The following PHACTR1 variants were observed in gnomAD, a reference collection of about 807,000 sequenced individuals.
PHACTR1 encodes the protein phosphatase and actin regulator 1.
In PHACTR1, 16 loss-of-function variants were observed where a neutral mutation model predicts 69.2. That is an observed-to-expected ratio of 0.23 (90% confidence interval 0.16 to 0.35). The LOEUF is 0.35. Among genes scored for constraint, PHACTR1 ranks in the 10% least tolerant of loss-of-function variants. PHACTR1 has a pLI of 1.00. For missense variants in PHACTR1, 510 were observed against 734.7 expected (o/e 0.69, Z 3.54); for synonymous variants, 312 against 284.5 (o/e 1.10, Z -0.97).
chr6:13,153,554 G>T (rs1024434870), intron 5 of PHACTR1, among the ~76,000 whole-genome samples: 2 of 152,202 alleles, frequency 1.3e-5, no homozygotes, highest in Admixed American at 1.3e-4. Flanking sequence ...TTGTAGACTA[G>T]ATGTTTCTAG....
chr6:12,768,109 CTTTTTTT>C (rs781107897), intron 4 of PHACTR1, among the ~76,000 whole-genome samples: 2 of 107,568 alleles, frequency 1.9e-5, no homozygotes, highest in Non-Finnish European at 3.7e-5. Flanking sequence ...CTATCAAATC[CTTTTTTT>C]TTTTTTTTTT....
intron 11 of PHACTR1, among the ~76,000 whole-genome samples, chr6:13,277,615 A>T (rs1334984584): frequency 6.6e-6 from 1 of 152,158 alleles, no homozygotes; most frequent in Non-Finnish European, 1.5e-5. Context: ...GGAGCCTCAC[A>T]TCTCCCCAAA....
chr6:13,024,238 G>A (rs906971385), intron 4 of PHACTR1, among the ~76,000 whole-genome samples: 19 of 152,282 alleles, frequency 1.2e-4, no homozygotes, highest in African/African-American at 4.6e-4. Flanking sequence ...GCTGAAATCT[G>A]CTGCACAATT....
chr6:12,934,061 G>A, intron 4 of PHACTR1: 1 of 1,347,970 alleles, frequency 7.4e-7, no homozygotes, highest in East Asian at 2.6e-5. Flanking sequence ...AGGTGTTGGT[G>A]GGGCCACGGT....
intron 4 of PHACTR1, among the ~76,000 whole-genome samples, chr6:13,053,068 G>C (rs1201340159): frequency 1.3e-5 from 2 of 152,184 alleles, no homozygotes; most frequent in South Asian, 2.1e-4. Flanking sequence ...GCCTCTCCCT[G>C]TTTTGGGCGG....
intron 4 of PHACTR1, among the ~76,000 whole-genome samples, chr6:13,036,074 T>C (rs999789254): frequency 6.6e-6 from 1 of 152,000 alleles, no homozygotes; most frequent in Non-Finnish European, 1.5e-5. Context: ...CAAAGGTGGC[T>C]ACTGAGGCTT....
At chr6:12,749,543 C>CT (rs745757143) in intron 3 of PHACTR1, 101 bp from the exon 4 acceptor site, 4,525 of 417,600 alleles carry the variant, frequency 0.011, 50 homozygotes, top group Non-Finnish European at 0.016. Context: ...TTCCTCTCCC[C>CT]TCCCCCTTCC....
At chr6:12,895,363 A>G (rs1299846271) in intron 4 of PHACTR1, among the ~76,000 whole-genome samples, 1 of 151,696 alleles carries the variant, frequency 6.6e-6, no homozygotes, top group Non-Finnish European at 1.5e-5. Flanking sequence ...TTGTATTTTT[A>G]GTAGAGATGG....
chr6:12,873,559 C>T (rs114012120), intron 4 of PHACTR1, among the ~76,000 whole-genome samples: 2,223 of 152,144 alleles, frequency 0.015, 22 homozygotes, highest in Middle Eastern at 0.058. Flanking sequence ...GGTAAGTATA[C>T]GTTTTACATC....
chr6:13,068,375 A>G (rs914237036), intron 5 of PHACTR1, among the ~76,000 whole-genome samples: 2 of 152,170 alleles, frequency 1.3e-5, no homozygotes, highest in African/African-American at 2.4e-5. Context: ...ATTCAAAAAG[A>G]AGTTAACTGA....
chr6:13,189,169 G>A (rs1763182396), intron 7 of PHACTR1, among the ~76,000 whole-genome samples: 1 of 152,084 alleles, frequency 6.6e-6, no homozygotes, highest in Non-Finnish European at 1.5e-5. Context: ...TTCACATTTG[G>A]GTAATAATAA....
At chr6:13,025,406 C>T (rs189019813) in intron 4 of PHACTR1, among the ~76,000 whole-genome samples, 3 of 152,292 alleles carry the variant, frequency 2.0e-5, no homozygotes, top group East Asian at 3.9e-4. Context: ...GGAGATTGCT[C>T]TGGTTTAGGC....
intron 3 of PHACTR1, among the ~76,000 whole-genome samples, chr6:12,732,315 T>TG (rs373612026): frequency 2.6e-5 from 4 of 151,076 alleles, no homozygotes; most frequent in African/African-American, 9.8e-5. Flanking sequence ...CAGATTTTTT[T>TG]TGGGGGTGCT....
chr6:12,930,783 G>T (rs1428355074), intron 4 of PHACTR1, among the ~76,000 whole-genome samples: 1 of 152,142 alleles, frequency 6.6e-6, no homozygotes, highest in Non-Finnish European at 1.5e-5. Context: ...GGGCACAGTG[G>T]CTCATGCCTG....
At chr6:12,731,693 T>C (rs532648879) in intron 3 of PHACTR1, among the ~76,000 whole-genome samples, 2 of 152,216 alleles carry the variant, frequency 1.3e-5, no homozygotes, top group Non-Finnish European at 2.9e-5. Context: ...ATGTTTCTAA[T>C]AATCAAGTGA....
intron 8 of PHACTR1, among the ~76,000 whole-genome samples, chr6:13,207,604 G>A (rs1766137005): frequency 6.6e-6 from 1 of 152,204 alleles, no homozygotes; most frequent in African/African-American, 2.4e-5. Flanking sequence ...GTGTGTGTGT[G>A]TGTGTATTCA....
At position 13,179,446 on chromosome 6, in the gene PHACTR1, T is replaced by TGTGTGTG. The variant is rs1761876709; in HGVS notation, c.497-3073_497-3072insGTGTGTG. Among the ~76,000 whole-genome samples, 2 of 85,346 alleles carry TGTGTGTG rather than the reference T, an allele frequency of 2.3e-5. No individual in the cohort carries two copies. Among genetic ancestry groups the TGTGTGTG allele is most frequent in the Middle Eastern group, 6.2e-3 (1 of 162 alleles). The allele number at this position is 85,346 out of a possible 152,430, so 56.0% of individuals were successfully genotyped here. On this transcript the variant is annotated intron_variant, in intron 6 of 14. Transcript: ENST00000332995. The surrounding 1 kb of genome is among the most constrained non-coding windows in gnomAD (Gnocchi z 4.2). ...TGTGTGTGTGTGTGTGTGTGTGTGT[T>TGTGTGTG]TAAAAATGTCATAATAAAAAATTTA...
rs980027068 is a variant in PHACTR1 at position 13,160,129 on chromosome 6, G to A, written c.416-75G>A. The A allele has an allele frequency of 5.4e-6, 7 of 1,294,882 alleles. No homozygotes were observed. In the African/African-American group the frequency reaches 8.8e-5, roughly 16 times the overall value. 80.2% of individuals were successfully genotyped at this position (1,294,882 alleles called of 1,614,324 possible). A position where few individuals can be genotyped will look rare whatever the true frequency, so the allele number is the denominator to read the frequency against. ...TCTCGTATGTTACATTGCCATATGT[G>A]TTAACATAGGATCCTTTAGAAGACA... On this transcript the variant is annotated intron_variant, in intron 5 of 14. Coordinates refer to ENST00000332995, the MANE Select transcript of PHACTR1 (RefSeq NM_030948.6).
chr6:13,018,063 A>T (rs1011307705), intron 4 of PHACTR1, among the ~76,000 whole-genome samples: 4 of 152,204 alleles, frequency 2.6e-5, no homozygotes, highest in African/African-American at 4.8e-5. Context: ...AACATTTAGC[A>T]TATTTTCTAA....
Sources: allele counts gnomAD v4.1 joint callset (sites outside exome capture counted in the v4.1 genomes callset), GRCh38; gene constraint gnomAD v4.1.1; non-coding constraint Gnocchi (gnomAD v3.1); transcripts MANE v1.5; gene names NCBI Gene and HGNC (gene_info 2026-07-23, HGNC 2026-07-21).